The following TEX14 variants were observed in gnomAD, a reference collection of about 807,000 sequenced individuals.
TEX14 encodes the protein testis expressed 14, intercellular bridge forming factor, also known as inactive serine/threonine-protein kinase TEX14.
Under a neutral mutation model 178.6 loss-of-function variants are expected in TEX14, and 168 were observed. The ratio of observed to expected loss-of-function variants is 0.94; its 90% CI spans 0.83 to 1.07. The LOEUF (loss-of-function observed/expected upper bound fraction) is 1.07. Among genes scored for constraint, TEX14 ranks in the 50% least tolerant of loss-of-function variants. The pLI is 0.00. For synonymous variants in TEX14, 626 were observed against 634.1 expected (o/e 0.99, Z 0.19); for missense variants, 1,730 against 1,753.6 (o/e 0.99, Z 0.24).
chr17:58,666,458 C>CAACCAAAAA (rs1210748349), intron 1 of TEX14: 1 of 36,812 alleles, frequency 2.7e-5, no homozygotes. Flanking sequence ...CCTTCCACGG[C>CAACCAAAAA]AAAAAAAAAA....
chr17:58,620,767 G>A (rs983868379), intron 5 of TEX14, among the ~76,000 whole-genome samples: 2 of 152,140 alleles, frequency 1.3e-5, no homozygotes, highest in Non-Finnish European at 2.9e-5. Context: ...AGTGATTACA[G>A]GTGTGAGCCA....
chr17:58,666,649 G>A lies in TEX14; in HGVS notation c.-1-14647C>T, dbSNP rs577170131. On this transcript the variant is annotated intron_variant, in intron 1 of 31. Coordinates refer to ENST00000349033, the MANE Select transcript of TEX14 (RefSeq NM_031272.5). Reference sequence around the variant, plus strand: ...AAGTGCAACGAATAAGCCACACACAGGGAAAAACCACCTCCATAATCACAG... The same window carrying A: ...AAGTGCAACGAATAAGCCACACACAAGGAAAAACCACCTCCATAATCACAG... The A allele has an allele frequency of 4.6e-5, 7 of 152,062 alleles. No individual in the cohort carries two copies. The East Asian group carries it at 9.6e-4, about 21-fold the overall frequency. The allele number at this position is 152,062 out of a possible 1,614,324, so 9.4% of individuals were successfully genotyped here. A position where few individuals can be genotyped will look rare whatever the true frequency, so the allele number is the denominator to read the frequency against.
intron 1 of TEX14, among the ~76,000 whole-genome samples, chr17:58,690,494 C>T (rs754957095): frequency 2.0e-5 from 3 of 152,088 alleles, no homozygotes; most frequent in Non-Finnish European, 4.4e-5. Context: ...CCACTGTCAA[C>T]GAAAGAAATT....
At position 58,663,953 on chromosome 17, in the gene TEX14, A is replaced by C. The variant is rs569411829; in HGVS notation, c.-1-11951T>G. Among the ~76,000 whole-genome samples the C allele has an allele frequency of 5.9e-5, 9 of 152,268 alleles. No individual in the cohort carries two copies. In the East Asian group the frequency reaches 1.7e-3, roughly 29 times the overall value. On this transcript the variant is annotated intron_variant, in intron 1 of 31. Coordinates refer to ENST00000349033, the MANE Select transcript of TEX14 (RefSeq NM_031272.5). ...ATCACTTTGGGAGGCCGAGGTGCTG[A>C]TATCACCTGAGTTTGGGAAGGTGGA...
At chr17:58,666,322 T>C (rs1207692800) in intron 1 of TEX14, among the ~76,000 whole-genome samples, 1 of 151,740 alleles carries the variant, frequency 6.6e-6, no homozygotes. Flanking sequence ...CACTCCAGCC[T>C]GGAAAATAGA....
intron 2 of TEX14, among the ~76,000 whole-genome samples, chr17:58,646,153 GA>G (rs1402231513): frequency 6.6e-6 from 1 of 151,942 alleles, no homozygotes; most frequent in Non-Finnish European, 1.5e-5. Context: ...AGCAACCACT[GA>G]AAAAACAATG....
rs765485050 is a variant in TEX14 at position 58,602,449 on chromosome 17, C to T, written c.1478G>A (p.Arg493Gln). The T allele has an allele frequency of 9.9e-6, 16 of 1,613,848 alleles. No homozygotes were observed. Among genetic ancestry groups the T allele is most frequent in the Middle Eastern group, 1.6e-4 (1 of 6,084 alleles). ...KSGIHVKQKD[R>Q]TMNLQDIRYI... Reference sequence around the variant, plus strand: ...CCGGATATCTTGAAGGTTCATAGTTCGGTCTTTCTGCTTGACGTGGATGCC... The same window carrying T: ...CCGGATATCTTGAAGGTTCATAGTTTGGTCTTTCTGCTTGACGTGGATGCC... The change falls in exon 12 of 32, where the codon CGA becomes CAA. Residue 493 changes from arginine to glutamine, a missense_variant. Transcript: ENST00000349033.
At chr17:58,655,015 A>G (rs1275578793) in intron 1 of TEX14, among the ~76,000 whole-genome samples, 1 of 148,942 alleles carries the variant, frequency 6.7e-6, no homozygotes, top group Non-Finnish European at 1.5e-5. Flanking sequence ...AACCAGTTGC[A>G]GAAATAAACT....
At chr17:58,646,127 G>A (rs2046701836) in intron 2 of TEX14, among the ~76,000 whole-genome samples, 1 of 152,128 alleles carries the variant, frequency 6.6e-6, no homozygotes, top group African/African-American at 2.4e-5. Context: ...AGTGTCAACT[G>A]TATTGAAATA....
intron 16 of TEX14, 109 bp downstream of exon 16, chr17:58,587,787 C>G: frequency 8.4e-7 from 1 of 1,188,680 alleles, no homozygotes; most frequent in Non-Finnish European, 1.3e-6. Context: ...GTTCCCTACT[C>G]CCTAAGCCAT....
At position 58,573,269 on chromosome 17, in the gene TEX14, A is replaced by T. The variant is rs771142765; in HGVS notation, c.3423T>A (p.Tyr1141Ter). ...TDIQDLSSIS[Y>*]EPDSSFKEAS... The stretch of plus-strand genomic sequence containing the variant: ...CTTCCTTAAAAGAGCTGTCTGGTTC[A>T]TAGGAGATACTAGACAGGTCTTGAA... Residue 1141 changes from tyrosine to a stop codon, truncating the protein, a stop_gained, in exon 23 of 32, where the codon TAT (tyrosine) becomes TAA (stop). Coordinates refer to ENST00000349033, the MANE Select transcript of TEX14 (RefSeq NM_031272.5). LOFTEE classifies it high-confidence loss of function. The T allele has an allele frequency of 1.9e-6, 3 of 1,613,490 alleles. No homozygotes were observed. The highest frequency in any genetic ancestry group is 3.3e-5 in the Admixed American group (2 of 60,006).
intron 1 of TEX14, among the ~76,000 whole-genome samples, chr17:58,669,921 A>C (rs2047276940): frequency 6.6e-6 from 1 of 151,504 alleles, no homozygotes; most frequent in African/African-American, 2.4e-5. Context: ...TAAAGCACCA[A>C]CTCCATCCCA....
intron 2 of TEX14, among the ~76,000 whole-genome samples, chr17:58,651,171 G>A (rs1567758774): frequency 6.6e-6 from 1 of 152,200 alleles, no homozygotes; most frequent in Non-Finnish European, 1.5e-5. Context: ...CAGTTATTTG[G>A]GAAGCTGAGG....
chr17:58,646,495 C>A (rs1331306328), intron 2 of TEX14, among the ~76,000 whole-genome samples: 2 of 152,132 alleles, frequency 1.3e-5, no homozygotes, highest in African/African-American at 4.8e-5. Context: ...TCATCAACTC[C>A]TTTTCTTTTT....
intron 2 of TEX14, among the ~76,000 whole-genome samples, chr17:58,641,799 C>CGCCCA: frequency 6.6e-6 from 1 of 152,272 alleles, no homozygotes; most frequent in South Asian, 2.1e-4. Flanking sequence ...TAAGCCACTG[C>CGCCCA]GCCCAGCCAA....
rs2045487231 is a variant in TEX14 at position 58,602,712 on chromosome 17, C to G, written c.1337-122G>C. ...TCACTTAACTTCTTTATTTTTTTTTCTAATCCACTGTACTTTAGAAACAAT... is the reference window on the plus strand; with the variant it reads ...TCACTTAACTTCTTTATTTTTTTTTGTAATCCACTGTACTTTAGAAACAAT... On this transcript the variant is annotated intron_variant, in intron 11 of 31. Transcript: ENST00000349033. 7.2e-5 allele frequency: 49 copies of G among 681,986 alleles called. No individual in the cohort carries two copies. The South Asian group carries it at 1.0e-3, about 14-fold the overall frequency. 42.2% of individuals were successfully genotyped at this position (681,986 alleles called of 1,614,324 possible). A position where few individuals can be genotyped will look rare whatever the true frequency, so the allele number is the denominator to read the frequency against.
At chr17:58,618,434 A>G (rs1173476854) in intron 5 of TEX14, among the ~76,000 whole-genome samples, 1 of 152,138 alleles carries the variant, frequency 6.6e-6, no homozygotes, top group African/African-American at 2.4e-5. Context: ...CACATTCCAC[A>G]CTCAAACTAC....
intron 1 of TEX14, among the ~76,000 whole-genome samples, chr17:58,659,816 C>A (rs942659862): frequency 6.6e-5 from 10 of 151,926 alleles, no homozygotes; most frequent in Admixed American, 6.6e-4. Flanking sequence ...TCTGCCTCAG[C>A]CTCCCGAGTA....
At position 58,585,923 on chromosome 17, in the gene TEX14, C is replaced by T. The variant is rs1202924737; in HGVS notation, c.2948G>A (p.Arg983Gln). The change falls in exon 18 of 32, where the codon CGA becomes CAA. Residue 983 changes from arginine to glutamine, a missense_variant. This residue lies in a region of TEX14 where 941 missense variants were observed against 1,072.4 expected (regional missense o/e 0.88). Coordinates refer to ENST00000349033, the MANE Select transcript of TEX14 (RefSeq NM_031272.5). ...IRSPENTDWQ[R>Q]VIEYHRENDE... ...ATTTTCCCTATGATACTCAATAACTCGCTGCCAATCCGTGTTTTCTGGGCT... is the reference window on the plus strand; with the variant it reads ...ATTTTCCCTATGATACTCAATAACTTGCTGCCAATCCGTGTTTTCTGGGCT... The T allele has an allele frequency of 2.5e-6, 4 of 1,613,914 alleles. No individual in the cohort carries two copies. The highest frequency in any genetic ancestry group is 3.4e-6 in the Non-Finnish European group (4 of 1,180,028).
Sources: gnomAD v4.1 joint callset for allele counts (sites outside exome capture counted in the v4.1 genomes callset) on GRCh38, gnomAD v4.1.1 for gene constraint, gnomAD v4.1.1 regional missense constraint, MANE v1.5 for transcripts, NCBI Gene and HGNC (gene_info 2026-07-23, HGNC 2026-07-21) for gene names.